Variants in PRKD2 observed in about 807,000 individuals in gnomAD.
PRKD2 encodes the protein protein kinase D2.
In PRKD2, 22 loss-of-function variants were observed where a neutral mutation model predicts 86.0. The ratio of observed to expected loss-of-function variants is 0.26; its 90% CI spans 0.18 to 0.37. PRKD2 has a LOEUF of 0.37. Among genes scored for constraint, PRKD2 ranks in the 10% least tolerant of loss-of-function variants. PRKD2 has a pLI of 1.00. For missense variants in PRKD2, 818 were observed against 1,199.2 expected (o/e 0.68, Z 4.70); for synonymous variants, 509 against 510.9 (o/e 1.00, Z 0.05).
At chr19:46,692,983 A>G (rs183342860) in intron 10 of PRKD2, among the ~76,000 whole-genome samples, 54 of 152,264 alleles carry the variant, frequency 3.5e-4, no homozygotes, top group Non-Finnish European at 6.0e-4. Context: ...ACACTGGATT[A>G]TAAGCTCCAG....
intron 3 of PRKD2, among the ~76,000 whole-genome samples, chr19:46,707,135 G>A (rs1474949190): frequency 1.3e-5 from 2 of 151,856 alleles, no homozygotes; most frequent in Non-Finnish European, 1.5e-5. Flanking sequence ...CTCATGATCC[G>A]CCCGCCTTGG....
intron 3 of PRKD2, among the ~76,000 whole-genome samples, chr19:46,709,870 A>ATT (rs200395517): frequency 2.6e-5 from 4 of 151,102 alleles, no homozygotes; most frequent in Non-Finnish European, 5.9e-5. Context: ...GATAGGATGG[A>ATT]TTTTTTTTTC....
chr19:46,691,151 A>C (rs1272424925), intron 12 of PRKD2, among the ~76,000 whole-genome samples: 1 of 151,966 alleles, frequency 6.6e-6, no homozygotes, highest in Non-Finnish European at 1.5e-5. Flanking sequence ...GGCAAATCAA[A>C]GTGTAAAATT....
At chr19:46,680,452 C>G (rs2053280664) in intron 15 of PRKD2, among the ~76,000 whole-genome samples, 1 of 151,860 alleles carries the variant, frequency 6.6e-6, no homozygotes, top group African/African-American at 2.4e-5. Flanking sequence ...CCATGCCCAG[C>G]TAATTTTTGT....
rs143202124 is a variant in PRKD2, at chr19:46,700,668, A to G, written c.1121+131T>C. On this transcript the variant is annotated intron_variant, in intron 7 of 17. Coordinates refer to ENST00000291281, the MANE Select transcript of PRKD2 (RefSeq NM_016457.5). The stretch of plus-strand genomic sequence containing the variant: ...TTTAAAAAAAATTGTAGTGCTTTAA[A>G]AGGTTTGCCTCAGGAACTGGGAAAA... The G allele has an allele frequency of 5.8e-4, 710 of 1,226,698 alleles. 6 individuals are homozygous for G. In the African/African-American group the frequency reaches 9.7e-3, roughly 17 times the overall value. The allele number at this position is 1,226,698 out of a possible 1,614,324, so 76.0% of individuals were successfully genotyped here.
intron 4 of PRKD2, 37 bp downstream of exon 4, chr19:46,704,458 C>G: frequency 6.2e-7 from 1 of 1,613,998 alleles, no homozygotes; most frequent in Non-Finnish European, 8.5e-7. Context: ...AAGTCACCCC[C>G]CTAGCCACCA....
rs2122642805 is a variant in PRKD2, at chr19:46,689,445, CAA to C, written c.1971+90_1971+91del. ...CTGTTATCTGCTATTGTGACTCCCC[CAA>C]GTGTCTGCTTGACCCCCTAGGCATA... On this transcript the variant is annotated intron_variant, in intron 14 of 17. Coordinates refer to ENST00000291281, the MANE Select transcript of PRKD2 (RefSeq NM_016457.5). 5 of 1,409,000 alleles carry C rather than the reference CAA, an allele frequency of 3.5e-6. No homozygotes were observed. In the East Asian group the frequency reaches 1.0e-4, roughly 28 times the overall value. 87.3% of individuals were successfully genotyped at this position (1,409,000 alleles called of 1,614,324 possible).
At chr19:46,674,862 C>T (rs2053172587) in intron 17 of PRKD2, 127 bp from the exon 18 acceptor site, 2 of 1,207,388 alleles carry the variant, frequency 1.7e-6, no homozygotes, top group South Asian at 1.5e-5. Context: ...CCCACCCAGC[C>T]AGTAGACATT....
intron 3 of PRKD2, among the ~76,000 whole-genome samples, chr19:46,709,613 G>A (rs1009886911): frequency 2.0e-5 from 3 of 151,962 alleles, no homozygotes; most frequent in East Asian, 1.9e-4. Context: ...CACCTGCCTC[G>A]GCCTCCCAGA....
At chr19:46,704,425 T>G (rs202010954) in intron 4 of PRKD2, 34 bp from the exon 5 acceptor site, 29 of 1,613,686 alleles carry the variant, frequency 1.8e-5, no homozygotes, top group Non-Finnish European at 1.4e-5. Flanking sequence ...GACACATCAG[T>G]GCGTTGGCCC....
chr19:46,691,466 C>T (rs576083259), intron 12 of PRKD2, among the ~76,000 whole-genome samples: 29 of 152,286 alleles, frequency 1.9e-4, no homozygotes, highest in Non-Finnish European at 2.8e-4. Context: ...TCTACCTTCC[C>T]TATCCAATCA....
chr19:46,690,497 A>G (rs748436767), intron 13 of PRKD2, 103 bp downstream of exon 13: 6 of 978,274 alleles, frequency 6.1e-6, no homozygotes, highest in Non-Finnish European at 9.7e-6. Context: ...CAGTCTCAAC[A>G]TGCACATGCC....
At chr19:46,682,701 ATTT>A (rs71177241) in intron 14 of PRKD2, among the ~76,000 whole-genome samples, 2,170 of 102,856 alleles carry the variant, frequency 0.021, 29 homozygotes, top group African/African-American at 0.043. Context: ...ATGTGATTCT[ATTT>A]TTTTTTTTTT....
chr19:46,675,048 G>A lies in PRKD2; in HGVS notation c.2409C>T (p.Ser803=), dbSNP rs1303146722. Residue 803 remains serine (S), a synonymous_variant, in exon 17 of 18, where the codon AGC becomes AGT. Coordinates refer to ENST00000291281, the MANE Select transcript of PRKD2 (RefSeq NM_016457.5). ...CCTGCATCACCTGTAACCAGGGGTGGCTGAGAGATTTGTCCACGCTGTAGC... is the reference window on the plus strand; with the variant it reads ...CCTGCATCACCTGTAACCAGGGGTGACTGAGAGATTTGTCCACGCTGTAGC... The part of the protein sequence containing the change: ...RKRYSVDKSL[S]HPWLQEYQTW... The A allele has an allele frequency of 1.2e-6, 2 of 1,609,220 alleles. No homozygotes were observed. The highest frequency in any genetic ancestry group is 1.7e-6 in the Non-Finnish European group (2 of 1,177,346).
chr19:46,697,125 A>AGTCC, intron 9 of PRKD2, 32 bp downstream of exon 9: 1 of 1,510,522 alleles, frequency 6.6e-7, no homozygotes, highest in Non-Finnish European at 9.2e-7. Context: ...CACAGCGGGA[A>AGTCC]GTCCGAGGGA....
chr19:46,704,324 G>A lies in PRKD2; in HGVS notation c.734C>T (p.Ser245Leu), dbSNP rs767608222. 30 of 1,614,100 alleles carry A rather than the reference G, an allele frequency of 1.9e-5. 1 individual carries two copies. The highest frequency in any genetic ancestry group is 3.3e-4 in the Middle Eastern group (2 of 6,084). ...PSSSSSSSASSYTGRPIELDK... is the reference protein window; with the variant it reads ...PSSSSSSSASLYTGRPIELDK... ...CAGCTCAATGGGGCGGCCCGTATAC[G>A]ATGAGGCAGAAGAGGAGGAAGAGGA... The change falls in exon 5 of 18, where the codon TCG becomes TTG. Residue 245 changes from serine (S) to leucine (L), a missense_variant. Ser to Leu is a moderately radical substitution (Grantham distance 145, BLOSUM62 -2). This residue lies in a region of PRKD2 where 403 missense variants were observed against 518.6 expected (regional missense o/e 0.78). Transcript: ENST00000291281.
chr19:46,695,466 G>A (rs1328477846), intron 9 of PRKD2, among the ~76,000 whole-genome samples: 1 of 152,268 alleles, frequency 6.6e-6, no homozygotes, highest in Non-Finnish European at 1.5e-5. Context: ...CTGGGTGACA[G>A]AGCGAGACTC....
intron 14 of PRKD2, among the ~76,000 whole-genome samples, chr19:46,683,952 A>G (rs1388303192): frequency 6.6e-6 from 1 of 151,922 alleles, no homozygotes; most frequent in Non-Finnish European, 1.5e-5. Flanking sequence ...AAAAAAAATT[A>G]CCATTTGTAA....
At position 46,693,827 on chromosome 19, in the gene PRKD2, C is replaced by T. The variant is rs1332943661; in HGVS notation, c.1576+48G>A. ...CCTTCCATTCCCCAGAACCGTGCCC[C>T]ACCCATCTAGATCTATTCTCTCAAG... On this transcript the variant is annotated intron_variant, in intron 10 of 17. Transcript: ENST00000291281. The surrounding 1 kb of genome is among the most constrained non-coding windows in gnomAD (Gnocchi z 4.5). 1.9e-6 allele frequency: 3 copies of T among 1,539,818 alleles called. No individual in the cohort carries two copies. Among genetic ancestry groups the T allele is most frequent in the East Asian group, 2.3e-5 (1 of 44,186 alleles).
Sources: gnomAD v4.1 joint callset for allele counts (sites outside exome capture counted in the v4.1 genomes callset) on GRCh38, gnomAD v4.1.1 for gene constraint, gnomAD v4.1.1 regional missense constraint, Gnocchi (gnomAD v3.1) non-coding constraint, MANE v1.5 for transcripts, NCBI Gene and HGNC (gene_info 2026-07-23, HGNC 2026-07-21) for gene names.